ANO1: variants seen among roughly 807,000 people sequenced by gnomAD.
ANO1 encodes anoctamin 1.
In ANO1, 59 loss-of-function variants were observed where a neutral mutation model predicts 124.0. That is an observed-to-expected ratio of 0.48 (90% confidence interval 0.39 to 0.59). The LOEUF (loss-of-function observed/expected upper bound fraction) is 0.59, where lower values mean the gene tolerates loss of function less well. Ranked by LOEUF, ANO1 falls within the 20% of genes least tolerant of loss-of-function variation. ANO1 has a pLI of 0.00. For missense variants in ANO1, 1,059 were observed against 1,328.0 expected, an observed-to-expected ratio of 0.80 and a Z score of 3.15; for synonymous variants, 529 against 532.0, an observed-to-expected ratio of 0.99 and a Z score of 0.08.
chr11:70,157,088 C>T (rs754857429), intron 16 of ANO1, 67 bp downstream of exon 16: 80 of 1,448,840 alleles, frequency 5.5e-5, no homozygotes, highest in South Asian at 6.0e-5. Flanking sequence ...TGGCTTCAGC[C>T]GGGCGTGGTG....
intron 1 of ANO1, among the ~76,000 whole-genome samples, chr11:70,051,107 T>A (rs1241937781): frequency 1.3e-5 from 2 of 152,204 alleles, no homozygotes; most frequent in Non-Finnish European, 1.5e-5. Context: ...ATGTATCTGA[T>A]GATTACCACC....
the ANO1 span, among the ~76,000 whole-genome samples, chr11:69,969,180 G>T: frequency 6.6e-6 from 1 of 152,206 alleles, no homozygotes; most frequent in Admixed American, 6.5e-5. Flanking sequence ...TCCCTCATAG[G>T]GGCCGGGGTG....
At chr11:70,049,529 T>C (rs1322265823) in intron 1 of ANO1, among the ~76,000 whole-genome samples, 2 of 152,334 alleles carry the variant, frequency 1.3e-5, no homozygotes, top group East Asian at 3.9e-4. Flanking sequence ...GGTCATGCTC[T>C]GAGCACCTCC....
chr11:70,092,862 G>A (rs2044686573), intron 2 of ANO1, among the ~76,000 whole-genome samples: 1 of 152,186 alleles, frequency 6.6e-6, no homozygotes, highest in Non-Finnish European at 1.5e-5. Flanking sequence ...GAAGGCATGG[G>A]CACTCAGATC....
intron 1 of ANO1, chr11:70,085,444 T>G: frequency 6.5e-7 from 1 of 1,534,410 alleles, no homozygotes; most frequent in Non-Finnish European, 8.7e-7. Context: ...CTCCTGAAGG[T>G]CACCAGCACA....
At chr11:70,166,376 A>C (rs1387129400) in intron 20 of ANO1, among the ~76,000 whole-genome samples, 1 of 152,220 alleles carries the variant, frequency 6.6e-6, no homozygotes, top group African/African-American at 2.4e-5. Context: ...TTTTGGACGA[A>C]GGAGGGAGAG....
At chr11:70,019,222 G>T (rs1326767085) in intron 1 of ANO1, among the ~76,000 whole-genome samples, 3 of 145,362 alleles carry the variant, frequency 2.1e-5, no homozygotes, top group South Asian at 2.3e-4. Context: ...TGGGATGCAG[G>T]GGAGGGAAAG....
At chr11:70,030,234 G>A (rs1433866174) in intron 1 of ANO1, among the ~76,000 whole-genome samples, 10 of 152,348 alleles carry the variant, frequency 6.6e-5, no homozygotes, top group Admixed American at 3.3e-4. Flanking sequence ...GGAAGTCACC[G>A]GCTGTGGGAA....
At position 70,087,683 on chromosome 11, in the gene ANO1, C is replaced by G. The variant is rs2044437169; in HGVS notation, c.109-69C>G. The G allele has an allele frequency of 2.9e-6, 4 of 1,391,248 alleles. No individual in the cohort carries two copies. In the Admixed American group the frequency reaches 1.0e-4, roughly 35 times the overall value. The allele number at this position is 1,391,248 out of a possible 1,614,324, so 86.2% of individuals were successfully genotyped here. On this transcript the variant is annotated intron_variant, in intron 1 of 25. Coordinates refer to ENST00000355303, the MANE Select transcript of ANO1 (RefSeq NM_018043.7). The stretch of plus-strand genomic sequence containing the variant: ...GTGAGGAGTGAGTGGATGAAGGGAG[C>G]AGCGCACCCTCCAAAGGCCCATCAC...
At chr11:70,027,882 T>C (rs1057047044) in intron 1 of ANO1, among the ~76,000 whole-genome samples, 3 of 152,184 alleles carry the variant, frequency 2.0e-5, no homozygotes, top group Admixed American at 2.0e-4. Context: ...AGCACAGCTT[T>C]AGGCACATCA....
At position 70,161,303 on chromosome 11, in the gene ANO1, T is replaced by C. The variant is rs2048034954; in HGVS notation, c.1721T>C (p.Val574Ala). The change falls in exon 17 of 26, where the codon GTG becomes GCG. Residue 574 changes from valine to alanine, a missense_variant. Transcript: ENST00000355303. ...GCCACCGCAGTCATCATCAACCTAG[T>C]GGTCATCATCCTCCTGGACGAGGTG... Reference protein sequence around the residue: ...VTATAVIINLVVIILLDEVYG... With the variant: ...VTATAVIINLAVIILLDEVYG... 6.2e-7 allele frequency: 1 copy of C among 1,613,910 alleles called. No homozygotes were observed. Among genetic ancestry groups the C allele is most frequent in the Non-Finnish European group, 8.5e-7 (1 of 1,179,800 alleles).
chr11:70,016,976 A>G (rs533571586), intron 1 of ANO1, among the ~76,000 whole-genome samples: 1 of 152,308 alleles, frequency 6.6e-6, no homozygotes, highest in East Asian at 1.9e-4. Flanking sequence ...TACTTAGTTT[A>G]CTTTCTTTCT....
chr11:69,968,771 A>G, the ANO1 span, among the ~76,000 whole-genome samples: 8 of 151,916 alleles, frequency 5.3e-5, no homozygotes, highest in Admixed American at 1.3e-4. Context: ...GCCAGCCTCC[A>G]CCTCTCTTTC....
In ANO1 at chr11:70,185,602, C is replaced by T. The variant is rs543963219; in HGVS notation, c.2601C>T (p.Tyr867=). The stretch of plus-strand genomic sequence containing the variant: ...CGGTCTTTTGCAGGTATAAAGACTA[C>T]CGAGAGCCGCCGTGGTCGGAAAACA... ...YEVQICRYKD[Y]REPPWSENKY... Residue 867 remains tyrosine, a synonymous_variant, in exon 25 of 26, where the codon TAC becomes TAT. Coordinates refer to ENST00000355303, the MANE Select transcript of ANO1 (RefSeq NM_018043.7). The T allele has an allele frequency of 6.2e-7, 1 of 1,613,914 alleles. No homozygotes were observed. Among genetic ancestry groups the T allele is most frequent in the Non-Finnish European group, 8.5e-7 (1 of 1,179,844 alleles).
chr11:70,140,762 T>C (rs2047125750), intron 11 of ANO1, among the ~76,000 whole-genome samples: 1 of 152,244 alleles, frequency 6.6e-6, no homozygotes, highest in South Asian at 2.1e-4. Context: ...TCAATATTAT[T>C]ATCTCTAAAG....
intron 1 of ANO1, among the ~76,000 whole-genome samples, chr11:69,986,725 C>T (rs1314772832): frequency 1.3e-5 from 2 of 152,104 alleles, no homozygotes; most frequent in Admixed American, 6.5e-5. Context: ...CTGACTTCCT[C>T]CCCCCTGGCT....
intron 1 of ANO1, among the ~76,000 whole-genome samples, chr11:69,989,550 T>TG (rs1261509013): frequency 6.6e-6 from 1 of 151,882 alleles, no homozygotes. Context: ...GGAGCCAGTG[T>TG]GGGGGTCTCC....
At chr11:70,163,260 A>G in intron 18 of ANO1, 23 bp from the exon 19 acceptor site, 2 of 1,610,842 alleles carry the variant, frequency 1.2e-6, no homozygotes, top group Non-Finnish European at 8.5e-7. Context: ...TCTTTTCTCT[A>G]ACGACCTCCC....
chr11:70,045,914 C>T (rs1338317610), intron 1 of ANO1, among the ~76,000 whole-genome samples: 19 of 152,288 alleles, frequency 1.2e-4, no homozygotes, highest in African/African-American at 4.6e-4. Context: ...GAATGTGCCT[C>T]ACCCCTCCAT....
Sources: gnomAD v4.1 joint callset for allele counts (sites outside exome capture counted in the v4.1 genomes callset) on GRCh38, gnomAD v4.1.1 for gene constraint, MANE v1.5 for transcripts, NCBI Gene and HGNC (gene_info 2026-07-23, HGNC 2026-07-21) for gene names.